PLLP: variants seen among roughly 807,000 people sequenced by gnomAD.
PLLP encodes plasma membrane proteolipid (plasmolipin).
Under a neutral mutation model 19.7 loss-of-function variants are expected in PLLP, and 15 were observed. The observed-to-expected ratio is 0.76, with a 90% CI of 0.51 to 1.17. The LOEUF (loss-of-function observed/expected upper bound fraction) is 1.17, where lower values mean the gene tolerates loss of function less well. Among genes scored for constraint, PLLP ranks in the 50% most tolerant of loss-of-function variants. The pLI, the probability that PLLP is intolerant of heterozygous loss-of-function variation, is 0.00. For missense variants in PLLP, 255 were observed against 258.3 expected, an observed-to-expected ratio of 0.99 and a Z score of 0.09; for synonymous variants, 111 against 116.3, an observed-to-expected ratio of 0.95 and a Z score of 0.29.
chr16:57,263,400 G>A (rs60403102), intron 1 of PLLP: 6,529 of 152,388 alleles, frequency 0.043, 437 homozygotes, highest in South Asian at 0.27. Flanking sequence ...CTGTGTGGCC[G>A]TGGGCAAGTG....
chr16:57,284,295 G>T, intron 1 of PLLP, 111 bp downstream of exon 1: 1 of 998,126 alleles, frequency 1.0e-6, no homozygotes, highest in Non-Finnish European at 1.3e-6. Flanking sequence ...GTGTGAGCCC[G>T]GGTGGGGAGC....
Position 57,256,114 on chromosome 16 carries a change from A to G in PLLP, c.*799T>C. ...TGTCCAAATAATTTCTCTCATCTTT[A>G]TTTTTATTAAAAAAAATAAAACAGT... is the stretch of plus-strand genomic sequence containing the variant. On this transcript the variant is annotated 3_prime_UTR_variant, in exon 4 of 4. Transcript: ENST00000219207. 1 of 398,466 alleles carries G rather than the reference A, an allele frequency of 2.5e-6. No homozygotes were observed. Among genetic ancestry groups the G allele is most frequent in the Non-Finnish European group, 4.4e-6 (1 of 226,018 alleles). 24.7% of individuals were successfully genotyped at this position (398,466 alleles called of 1,614,324 possible).
intron 1 of PLLP, among the ~76,000 whole-genome samples, chr16:57,277,159 G>A (rs1567532838): frequency 2.0e-5 from 3 of 152,340 alleles, no homozygotes; most frequent in Admixed American, 2.0e-4. Context: ...TCTCCTTAAA[G>A]AAAGTCTTAA....
chr16:57,276,083 G>C (rs1901150087), intron 1 of PLLP, among the ~76,000 whole-genome samples: 1 of 152,168 alleles, frequency 6.6e-6, no homozygotes, highest in Admixed American at 6.5e-5. Context: ...ACTCCAGCCT[G>C]GGTGACAGAG....
chr16:57,267,342 A>G (rs2075460805), intron 1 of PLLP, among the ~76,000 whole-genome samples: 1 of 151,796 alleles, frequency 6.6e-6, no homozygotes, highest in African/African-American at 2.4e-5. Flanking sequence ...CCTGAGGTGC[A>G]TGATCAGTTA....
At chr16:57,263,319 C>G (rs2075447540) in intron 1 of PLLP, 1 of 152,372 alleles carries the variant, frequency 6.6e-6, no homozygotes, top group Middle Eastern at 3.4e-3. Flanking sequence ...CCCAGCAGAG[C>G]ATGGGTAGTG....
At chr16:57,280,316 T>C (rs912203796) in intron 1 of PLLP, among the ~76,000 whole-genome samples, 39 of 152,278 alleles carry the variant, frequency 2.6e-4, no homozygotes, top group African/African-American at 9.1e-4. Flanking sequence ...TAAATCCAGA[T>C]AAGATCATCC....
At chr16:57,275,802 G>T (rs1414405188) in intron 1 of PLLP, among the ~76,000 whole-genome samples, 2 of 152,198 alleles carry the variant, frequency 1.3e-5, no homozygotes, top group Admixed American at 1.3e-4. Flanking sequence ...AAACAGACAA[G>T]GAAATACAAA....
chr16:57,257,119 G>T, intron 3 of PLLP, 90 bp from the exon 4 acceptor site: 1 of 880,790 alleles, frequency 1.1e-6, no homozygotes, highest in Non-Finnish European at 1.9e-6. Flanking sequence ...GAGGGGTTGT[G>T]GCAGCCGCAC....
At chr16:57,279,956 T>C (rs1290229853) in intron 1 of PLLP, among the ~76,000 whole-genome samples, 2 of 152,202 alleles carry the variant, frequency 1.3e-5, no homozygotes, top group Admixed American at 6.5e-5. Flanking sequence ...CCAAATGGCC[T>C]TACCGCCACA....
chr16:57,256,810 G>C lies in PLLP; in HGVS notation c.*103C>G, dbSNP rs1349033237. On this transcript the variant is annotated 3_prime_UTR_variant, in exon 4 of 4. Coordinates refer to ENST00000219207, the MANE Select transcript of PLLP (RefSeq NM_015993.3). ...AGAGGAGCAAATGCAGTCCCTGTTGGGCTGACTCCACGCAGGGCTCCCCAG... is the reference window on the plus strand; with the variant it reads ...AGAGGAGCAAATGCAGTCCCTGTTGCGCTGACTCCACGCAGGGCTCCCCAG... The C allele has an allele frequency of 6.7e-6, 5 of 746,372 alleles. No individual in the cohort carries two copies. The highest frequency in any genetic ancestry group is 1.2e-5 in the Non-Finnish European group (5 of 428,262). 46.2% of individuals were successfully genotyped at this position (746,372 alleles called of 1,614,324 possible).
intron 3 of PLLP, 139 bp from the exon 4 acceptor site, chr16:57,257,168 T>C (rs982950348): frequency 8.6e-5 from 57 of 659,214 alleles, no homozygotes; most frequent in Admixed American, 6.9e-5. Context: ...CAGCTGTTTA[T>C]CATGGGGCTG....
At chr16:57,278,272 G>T (rs947452933) in intron 1 of PLLP, among the ~76,000 whole-genome samples, 2 of 152,144 alleles carry the variant, frequency 1.3e-5, no homozygotes, top group African/African-American at 4.8e-5. Flanking sequence ...CCCGGGAGGC[G>T]GAGGTTGCAG....
At chr16:57,264,980 C>T (rs1381199163) in intron 1 of PLLP, among the ~76,000 whole-genome samples, 1 of 152,266 alleles carries the variant, frequency 6.6e-6, no homozygotes, top group Non-Finnish European at 1.5e-5. Flanking sequence ...GTAAGGGGCT[C>T]AGCCCAAAGT....
chr16:57,258,764 TAA>T (rs58732741), intron 2 of PLLP, among the ~76,000 whole-genome samples, 180 bp from the exon 3 acceptor site: 1 of 150,250 alleles, frequency 6.7e-6, no homozygotes, highest in African/African-American at 2.4e-5. Context: ...TCTACAAAAA[TAA>T]AAAAGTTAGC....
chr16:57,256,246 G>A lies in PLLP; in HGVS notation c.*667C>T, dbSNP rs995449730. The A allele has an allele frequency of 2.6e-5, 10 of 391,838 alleles. No individual in the cohort carries two copies. The highest frequency in any genetic ancestry group is 4.0e-5 in the Non-Finnish European group (9 of 222,566). 24.3% of individuals were successfully genotyped at this position (391,838 alleles called of 1,614,324 possible). A position where few individuals can be genotyped will look rare whatever the true frequency, so the allele number is the denominator to read the frequency against. Reference sequence around the variant, plus strand: ...TCGGGGAGGCACCGATGTTAGCTTCGCCCAAAGGGAGTATTACAGAGAGAG... The same window carrying A: ...TCGGGGAGGCACCGATGTTAGCTTCACCCAAAGGGAGTATTACAGAGAGAG... On this transcript the variant is annotated 3_prime_UTR_variant, in exon 4 of 4. Coordinates refer to ENST00000219207, the MANE Select transcript of PLLP (RefSeq NM_015993.3).
chr16:57,280,444 T>G (rs1164345499), intron 1 of PLLP, among the ~76,000 whole-genome samples: 1 of 152,052 alleles, frequency 6.6e-6, no homozygotes, highest in African/African-American at 2.4e-5. Context: ...CCACGCCTTC[T>G]GCATTCTTCC....
rs760186956 is a variant in PLLP, at chr16:57,261,893, T to A, written c.309+4A>T. Reference sequence around the variant, plus strand: ...CCACTTCCAGTACCCCCACCCAGACTCACCACCAGTGGCCAGGGAACCATG... The same window carrying A: ...CCACTTCCAGTACCCCCACCCAGACACACCACCAGTGGCCAGGGAACCATG... On this transcript the variant is annotated splice_donor_region_variant and intron_variant, in intron 2 of 3. Coordinates refer to ENST00000219207, the MANE Select transcript of PLLP (RefSeq NM_015993.3). 6.2e-7 allele frequency: 1 copy of A among 1,613,346 alleles called. No individual in the cohort carries two copies. The highest frequency in any genetic ancestry group is 8.5e-7 in the Non-Finnish European group (1 of 1,179,432).
chr16:57,258,499 C>T lies in PLLP; in HGVS notation c.395G>A (p.Arg132Lys), dbSNP rs770097612. Residue 132 changes from arginine (R) to lysine (K), a missense_variant, in exon 3 of 4, where the codon AGG (arginine) becomes AAG (lysine). Coordinates refer to ENST00000219207, the MANE Select transcript of PLLP (RefSeq NM_015993.3). ...GCGCTGGTTATAAGGCCGGGTGCCCCTCAGGGATGTCAGGTCAACTGCCGC... is the reference window on the plus strand; with the variant it reads ...GCGCTGGTTATAAGGCCGGGTGCCCTTCAGGGATGTCAGGTCAACTGCCGC... ...CSAAVDLTSL[R>K]GTRPYNQRAA... is the part of the protein sequence containing the mutation. 1.1e-4 allele frequency: 176 copies of T among 1,612,820 alleles called. 2 individuals carry two copies. In the South Asian group the frequency reaches 1.5e-3, roughly 14 times the overall value.
Sources: gnomAD v4.1 joint callset for allele counts (sites outside exome capture counted in the v4.1 genomes callset) on GRCh38, gnomAD v4.1.1 for gene constraint, MANE v1.5 for transcripts, NCBI Gene and HGNC (gene_info 2026-07-23, HGNC 2026-07-21) for gene names.